SLC24A2: variants seen among roughly 807,000 people sequenced by gnomAD.
SLC24A2 encodes sodium/potassium/calcium exchanger 2.
SLC24A2 carries 36 observed loss-of-function variants against 62.0 expected under a neutral mutation model. The observed-to-expected ratio is 0.58, with a 90% confidence interval of 0.44 to 0.77. SLC24A2 has a LOEUF of 0.77. SLC24A2 is among the 30% of genes least tolerant of loss of function. The pLI is 0.00. For missense variants in SLC24A2, 846 were observed against 817.9 expected (o/e 1.03, Z -0.42); for synonymous variants, 358 against 294.0 (o/e 1.22, Z -2.23).
chr9:19,741,778 T>C (rs1821686097), intron 2 of SLC24A2, among the ~76,000 whole-genome samples: 1 of 152,222 alleles, frequency 6.6e-6, no homozygotes, highest in African/African-American at 2.4e-5. Flanking sequence ...ACATACAATT[T>C]GTTGATTATT....
intron 2 of SLC24A2, among the ~76,000 whole-genome samples, chr9:19,698,634 G>GC (rs1258531782): frequency 6.6e-6 from 1 of 152,092 alleles, no homozygotes; most frequent in Non-Finnish European, 1.5e-5. Context: ...CTTCCTATGT[G>GC]CCATGCAGTG....
chr9:20,233,275 T>A, the SLC24A2 span, among the ~76,000 whole-genome samples: 1 of 152,144 alleles, frequency 6.6e-6, no homozygotes, highest in Non-Finnish European at 1.5e-5. Flanking sequence ...AATTCCTGGG[T>A]ATCCTTGTTA....
the SLC24A2 span, among the ~76,000 whole-genome samples, chr9:20,207,329 C>T: frequency 3.3e-5 from 5 of 152,142 alleles, no homozygotes; most frequent in African/African-American, 7.2e-5. Flanking sequence ...TGTAGCCTCA[C>T]GACCACTACT....
intron 7 of SLC24A2, among the ~76,000 whole-genome samples, chr9:19,563,879 G>T (rs1291755581): frequency 3.0e-5 from 4 of 134,670 alleles, no homozygotes; most frequent in Non-Finnish European, 4.7e-5. Context: ...CCTTTCGATG[G>T]GGTCTCCTTT....
chr9:20,286,567 T>A, the SLC24A2 span, among the ~76,000 whole-genome samples: 1 of 152,234 alleles, frequency 6.6e-6, no homozygotes, highest in Non-Finnish European at 1.5e-5. Context: ...GATTGCTCTA[T>A]GTTATGCTGC....
chr9:19,535,435 T>A lies in SLC24A2; in HGVS notation c.1480-7297A>T, dbSNP rs545488919. Among the ~76,000 whole-genome samples, 44 of 152,328 alleles carry A rather than the reference T, an allele frequency of 2.9e-4. 1 individual carries two copies. In the South Asian group the frequency reaches 8.7e-3, roughly 30 times the overall value. On this transcript the variant is annotated intron_variant, in intron 8 of 10. Coordinates refer to ENST00000341998, the MANE Select transcript of SLC24A2 (RefSeq NM_020344.4). ...GACATGAAGTCTTTCCTAATGCCTATGTCCAGAATGGTATTGCCTAGGTTT... is the reference window on the plus strand; with the variant it reads ...GACATGAAGTCTTTCCTAATGCCTAAGTCCAGAATGGTATTGCCTAGGTTT...
chr9:19,860,941 G>C, the SLC24A2 span, among the ~76,000 whole-genome samples: 2 of 152,174 alleles, frequency 1.3e-5, no homozygotes, highest in African/African-American at 4.8e-5. Flanking sequence ...AGAATACCAG[G>C]TGGACTTCTA....
chr9:19,920,971 A>G, the SLC24A2 span, among the ~76,000 whole-genome samples: 1 of 151,890 alleles, frequency 6.6e-6, no homozygotes, highest in East Asian at 1.9e-4. Context: ...AATAAAGATA[A>G]TCATATTACC....
chr9:19,558,540 G>T (rs569497563), intron 7 of SLC24A2, among the ~76,000 whole-genome samples: 1 of 152,206 alleles, frequency 6.6e-6, no homozygotes, highest in Non-Finnish European at 1.5e-5. Flanking sequence ...GGATAATCTT[G>T]GTCTGGCTAC....
the SLC24A2 span, among the ~76,000 whole-genome samples, chr9:20,194,857 ACG>A: frequency 1.3e-5 from 2 of 152,094 alleles, no homozygotes; most frequent in East Asian, 3.8e-4. Context: ...AGACACACAC[ACG>A]CATGCACACA....
the SLC24A2 span, among the ~76,000 whole-genome samples, chr9:20,060,326 T>TA: frequency 6.6e-6 from 1 of 152,256 alleles, no homozygotes; most frequent in South Asian, 2.1e-4. Flanking sequence ...TTATTCCTCA[T>TA]ACCAAAGTCA....
chr9:20,284,359 G>A, the SLC24A2 span, among the ~76,000 whole-genome samples: 1 of 152,064 alleles, frequency 6.6e-6, no homozygotes, highest in Non-Finnish European at 1.5e-5. Context: ...CTCACAGCAG[G>A]CTCGAACTCC....
chr9:19,550,332 CAGG>C (rs1294501483), intron 7 of SLC24A2, 64 bp from the exon 8 acceptor site: 24 of 1,537,346 alleles, frequency 1.6e-5, no homozygotes, highest in Non-Finnish European at 2.0e-5. Context: ...GGCACAACAA[CAGG>C]AGCACAGAAC....
the SLC24A2 span, among the ~76,000 whole-genome samples, chr9:19,915,507 T>A: frequency 6.6e-6 from 1 of 152,214 alleles, no homozygotes; most frequent in South Asian, 2.1e-4. Context: ...ATTGCCAAAC[T>A]TTTTCCAGAG....
the SLC24A2 span, among the ~76,000 whole-genome samples, chr9:20,182,761 A>C: frequency 1.3e-5 from 2 of 152,224 alleles, no homozygotes; most frequent in African/African-American, 2.4e-5. Context: ...GTGCACATGT[A>C]CCCCAGAATT....
intron 2 of SLC24A2, among the ~76,000 whole-genome samples, chr9:19,776,033 T>C (rs1822835029): frequency 6.6e-6 from 1 of 152,260 alleles, no homozygotes; most frequent in Non-Finnish European, 1.5e-5. Context: ...AAAAGTGCCT[T>C]ATGCTTAGAT....
At chr9:19,541,198 T>TC (rs1369550048) in intron 8 of SLC24A2, among the ~76,000 whole-genome samples, 1 of 140,442 alleles carries the variant, frequency 7.1e-6, no homozygotes, top group African/African-American at 2.7e-5. Flanking sequence ...AGCCTTCTTC[T>TC]CTCAGCTCGT....
the SLC24A2 span, among the ~76,000 whole-genome samples, chr9:20,232,727 C>T: frequency 1.3e-5 from 2 of 152,120 alleles, no homozygotes; most frequent in Non-Finnish European, 2.9e-5. Flanking sequence ...TTTTGTGTCT[C>T]TATTTCCTTC....
At chr9:20,254,160 A>G in the SLC24A2 span, among the ~76,000 whole-genome samples, 10 of 152,216 alleles carry the variant, frequency 6.6e-5, no homozygotes, top group Non-Finnish European at 1.3e-4. Flanking sequence ...AACATTCTCA[A>G]TTGCAGAATG....
Sources: gnomAD v4.1 joint callset for allele counts (sites outside exome capture counted in the v4.1 genomes callset) on GRCh38, gnomAD v4.1.1 for gene constraint, MANE v1.5 for transcripts, NCBI Gene and HGNC (gene_info 2026-07-23, HGNC 2026-07-21) for gene names.